Variants in WBP4 observed in about 807,000 individuals in gnomAD.
WBP4 encodes WW domain-binding protein 4.
WBP4 carries 37 observed loss-of-function variants against 55.4 expected under a neutral mutation model. The observed-to-expected ratio is 0.67, with a 90% CI of 0.51 to 0.88. The LOEUF (loss-of-function observed/expected upper bound fraction) is 0.88, where lower values mean the gene tolerates loss of function less well. Ranked by LOEUF, WBP4 falls within the 40% of genes least tolerant of loss-of-function variation. The probability of loss-of-function intolerance (pLI) is 0.00; values close to 1 mark genes in which losing one functional copy is unlikely to be tolerated. For missense variants in WBP4, 398 were observed against 420.8 expected (o/e 0.95, Z 0.47); for synonymous variants, 142 against 140.2 (o/e 1.01, Z -0.09).
At position 41,082,743 on chromosome 13, in the gene WBP4, G is replaced by GT; in HGVS notation, c.961dup (p.Tyr321LeufsTer8). The GT allele has an allele frequency of 1.2e-6, 2 of 1,614,072 alleles. No individual in the cohort carries two copies. Among genetic ancestry groups the GT allele is most frequent in the Non-Finnish European group, 1.7e-6 (2 of 1,180,004 alleles). On this transcript the variant is annotated frameshift_variant, in exon 10 of 10. Transcript: ENST00000379487. LOFTEE classifies it high-confidence loss of function. ...TGGAACTTCCAAGCACTGAAAATGA[G>GT]TATGTATCAACTTCAGAAGCTGATG...
intron 8 of WBP4, among the ~76,000 whole-genome samples, chr13:41,078,848 A>G (rs895225363): frequency 6.7e-5 from 10 of 149,656 alleles, no homozygotes; most frequent in African/African-American, 2.4e-4. Flanking sequence ...AAAGGAAAAG[A>G]AAAAAAAAAT....
At chr13:41,076,843 A>G (rs1196103139) in intron 8 of WBP4, among the ~76,000 whole-genome samples, 1 of 152,140 alleles carries the variant, frequency 6.6e-6, no homozygotes. Flanking sequence ...ACAAATCTTG[A>G]TGGAACTTAG....
At chr13:41,066,462 T>G (rs1050692629) in intron 4 of WBP4, among the ~76,000 whole-genome samples, 5 of 152,184 alleles carry the variant, frequency 3.3e-5, no homozygotes, top group Admixed American at 3.3e-4. Context: ...ATTTGCCGGT[T>G]GTTTTATTTT....
intron 7 of WBP4, among the ~76,000 whole-genome samples, chr13:41,075,744 C>T (rs1004749953): frequency 3.9e-5 from 6 of 152,236 alleles, no homozygotes; most frequent in East Asian, 3.9e-4. Context: ...ATTATCAATA[C>T]GTTTCCTGAA....
intron 9 of WBP4, 91 bp from the exon 10 acceptor site, chr13:41,082,613 T>C (rs1878830606): frequency 2.5e-6 from 3 of 1,185,220 alleles, no homozygotes; most frequent in Admixed American, 2.3e-5. Flanking sequence ...CAACTTCTAA[T>C]GTCATTAGAA....
In WBP4 at chr13:41,083,037, G is replaced by A; in HGVS notation, c.*123G>A. 4.3e-6 allele frequency: 4 copies of A among 931,972 alleles called. No individual in the cohort carries two copies. Among genetic ancestry groups the A allele is most frequent in the Non-Finnish European group, 6.3e-6 (4 of 637,698 alleles). The allele number at this position is 931,972 out of a possible 1,614,324, so 57.7% of individuals were successfully genotyped here. On this transcript the variant is annotated 3_prime_UTR_variant, in exon 10 of 10. Transcript: ENST00000379487. Reference sequence around the variant, plus strand: ...ATTTAGATTTATTCTAAATGTATTTGATGTGAATTAAAATAAATATTTTTT... The same window carrying A: ...ATTTAGATTTATTCTAAATGTATTTAATGTGAATTAAAATAAATATTTTTT...
intron 2 of WBP4, among the ~76,000 whole-genome samples, chr13:41,064,602 T>A (rs1471423817): frequency 6.6e-6 from 1 of 152,204 alleles, no homozygotes; most frequent in African/African-American, 2.4e-5. Context: ...CATTGTTCTC[T>A]ATGTCCCTCC....
At chr13:41,061,738 C>G in intron 1 of WBP4, 63 bp downstream of exon 1, 1 of 1,609,244 alleles carries the variant, frequency 6.2e-7, no homozygotes, top group Non-Finnish European at 8.5e-7. Context: ...CTTTCTCGCC[C>G]GGGTCTTCCC....
At chr13:41,076,357 T>A (rs1327196177) in intron 8 of WBP4, 120 bp downstream of exon 8, 7 of 752,634 alleles carry the variant, frequency 9.3e-6, no homozygotes, top group Non-Finnish European at 1.4e-5. Context: ...TGGCTCACTG[T>A]AACCTCCACC....
Position 41,061,516 on chromosome 13 carries a change from G to A in WBP4, c.-158G>A. On this transcript the variant is annotated 5_prime_UTR_variant, in exon 1 of 10. Transcript: ENST00000379487. ...TGGATCGTCTGGGCACCCGTAGTTG[G>A]GAACAGCGGAACGCTGGTCCCGGGG... The A allele has an allele frequency of 1.7e-6, 2 of 1,167,674 alleles. No homozygotes were observed. Among genetic ancestry groups the A allele is most frequent in the Non-Finnish European group, 2.5e-6 (2 of 810,656 alleles). 72.3% of individuals were successfully genotyped at this position (1,167,674 alleles called of 1,614,324 possible).
intron 8 of WBP4, among the ~76,000 whole-genome samples, chr13:41,077,042 C>T (rs1404462323): frequency 1.3e-5 from 2 of 152,130 alleles, no homozygotes; most frequent in Admixed American, 6.5e-5. Flanking sequence ...GCCAATAACC[C>T]TGCTGAACAT....
chr13:41,065,037 GGAAA>G lies in WBP4; in HGVS notation c.101_104del (p.Lys34IlefsTer39), dbSNP rs1877888618. Reference sequence around the variant, plus strand: ...CAAGAGTGTTGAATTTCATGAAAGAGGAAAGAATCATAAGGAAAATGTGGCAAAA... The same window carrying G: ...CAAGAGTGTTGAATTTCATGAAAGAGGAATCATAAGGAAAATGTGGCAAAA... On this transcript the variant is annotated frameshift_variant, in exon 3 of 10. Coordinates refer to ENST00000379487, the MANE Select transcript of WBP4 (RefSeq NM_007187.5). LOFTEE classifies it high-confidence loss of function. 4.4e-6 allele frequency: 7 copies of G among 1,588,652 alleles called. No homozygotes were observed. Among genetic ancestry groups the G allele is most frequent in the Non-Finnish European group, 6.0e-6 (7 of 1,172,856 alleles).
intron 8 of WBP4, among the ~76,000 whole-genome samples, 195 bp from the exon 9 acceptor site, chr13:41,080,451 G>A (rs1388233157): frequency 6.6e-6 from 1 of 151,880 alleles, no homozygotes; most frequent in East Asian, 1.9e-4. Flanking sequence ...CCTTTGTCAT[G>A]GTATATCAAC....
At chr13:41,062,985 C>T (rs1396762892) in intron 2 of WBP4, among the ~76,000 whole-genome samples, 3 of 152,074 alleles carry the variant, frequency 2.0e-5, no homozygotes, top group Non-Finnish European at 4.4e-5. Context: ...TGTTATGAAG[C>T]ACCTATATTA....
At position 41,068,741 on chromosome 13, in the gene WBP4, A is replaced by G; in HGVS notation, c.439+4A>G. 6 of 1,568,520 alleles carry G rather than the reference A, an allele frequency of 3.8e-6. No homozygotes were observed. The highest frequency in any genetic ancestry group is 3.6e-5 in the South Asian group (3 of 82,268). On this transcript the variant is annotated splice_donor_region_variant and intron_variant, in intron 5 of 9. Coordinates refer to ENST00000379487, the MANE Select transcript of WBP4 (RefSeq NM_007187.5). ...TATTATGATCTTATCTCAGGAGGTA[A>G]GTCATTTAGGCATAAAACTGGTAAA... is the stretch of plus-strand genomic sequence containing the variant.
chr13:41,067,106 A>G, intron 4 of WBP4, among the ~76,000 whole-genome samples: 1 of 151,998 alleles, frequency 6.6e-6, no homozygotes, highest in Non-Finnish European at 1.5e-5. Flanking sequence ...CTCCCACCTC[A>G]GCTCGTCACC....
intron 1 of WBP4, among the ~76,000 whole-genome samples, chr13:41,062,438 A>T (rs1355339526): frequency 6.6e-6 from 1 of 152,126 alleles, no homozygotes; most frequent in East Asian, 1.9e-4. Flanking sequence ...TTTGTAATGA[A>T]TCAGATACAG....
chr13:41,080,073 T>A (rs1405522157), intron 8 of WBP4, among the ~76,000 whole-genome samples: 2 of 41,206 alleles, frequency 4.9e-5, no homozygotes, highest in Admixed American at 3.1e-4. Flanking sequence ...GGTGGGAGGG[T>A]GGGAGGGAGG....
rs900883085 is a variant in WBP4 at position 41,069,684 on chromosome 13, C to T, written c.439+947C>T. 1.6e-4 allele frequency among the ~76,000 whole-genome samples: 20 copies of T among 125,588 alleles called. 1 individual carries two copies. Among genetic ancestry groups the T allele is most frequent in the African/African-American group, 4.5e-4 (15 of 33,538 alleles). The allele number at this position is 125,588 out of a possible 152,430, so 82.4% of individuals were successfully genotyped here. ...TTGGGCCACTGTACTCCAGCCTGGG[C>T]GACAGAGCGAGACTCTGCCTCAAAA... On this transcript the variant is annotated intron_variant, in intron 5 of 9. Coordinates refer to ENST00000379487, the MANE Select transcript of WBP4 (RefSeq NM_007187.5).
Sources: allele counts gnomAD v4.1 joint callset (sites outside exome capture counted in the v4.1 genomes callset), GRCh38; gene constraint gnomAD v4.1.1; transcripts MANE v1.5; gene names NCBI Gene and HGNC (gene_info 2026-07-23, HGNC 2026-07-21).